Variants in FOCAD observed in about 807,000 individuals in gnomAD.
FOCAD encodes focadhesin.
In FOCAD, 198 loss-of-function variants were observed where a neutral mutation model predicts 225.6. That is an observed-to-expected ratio of 0.88 (90% confidence interval 0.78 to 0.99). The LOEUF (loss-of-function observed/expected upper bound fraction) is 0.99. FOCAD is among the 50% of genes least tolerant of loss of function. The probability of loss-of-function intolerance (pLI) is 0.00; values close to 1 mark genes in which losing one functional copy is unlikely to be tolerated. For missense variants in FOCAD, 2,713 were observed against 2,123.6 expected, an observed-to-expected ratio of 1.28 and a Z score of -5.46; for synonymous variants, 897 against 755.0, an observed-to-expected ratio of 1.19 and a Z score of -3.08.
intron 41 of FOCAD, 112 bp downstream of exon 41, chr9:20,988,541 T>G (rs1461572974): frequency 4.8e-6 from 1 of 206,980 alleles, no homozygotes; most frequent in Non-Finnish European, 1.1e-5. Context: ...CAATTACTTT[T>G]GCACCAACCT....
intron 8 of FOCAD, among the ~76,000 whole-genome samples, chr9:20,772,039 C>A (rs1818289836): frequency 6.6e-6 from 1 of 152,068 alleles, no homozygotes; most frequent in Non-Finnish European, 1.5e-5. Flanking sequence ...TTTGAGAGGA[C>A]ACAGTTCAGC....
At position 20,738,203 on chromosome 9, in the gene FOCAD, A is replaced by G. The variant is rs193168801; in HGVS notation, c.288-2033A>G. ...GTCAATAGAGAAGTTTCTCAGAAGA[A>G]TGTGAACAGTTCCAAAGGAAGAAGA... On this transcript the variant is annotated intron_variant, in intron 4 of 43. Transcript: ENST00000338382. 1.2e-4 allele frequency among the ~76,000 whole-genome samples: 19 copies of G among 152,362 alleles called. No homozygotes were observed. The East Asian group carries it at 3.7e-3, about 29-fold the overall frequency.
chr9:20,983,195 C>A (rs1375880017), intron 39 of FOCAD, among the ~76,000 whole-genome samples: 3 of 152,162 alleles, frequency 2.0e-5, no homozygotes, highest in African/African-American at 7.2e-5. Flanking sequence ...GAATCAGAAA[C>A]TCTGCAGACG....
At chr9:20,910,460 G>A (rs754877962) in intron 22 of FOCAD, among the ~76,000 whole-genome samples, 1 of 151,960 alleles carries the variant, frequency 6.6e-6, no homozygotes, top group African/African-American at 2.4e-5. Context: ...TTACTCTATG[G>A]CAATTTATAC....
In FOCAD at chr9:20,841,797, G is replaced by A. The variant is rs1430037332; in HGVS notation, c.1920+18682G>A. Among the ~76,000 whole-genome samples the A allele has an allele frequency of 2.0e-5, 3 of 150,672 alleles. No individual in the cohort carries two copies. In the East Asian group the frequency reaches 5.8e-4, roughly 29 times the overall value. ...GTTATTTCTTTTCTTCTAATTTTGG[G>A]TTTGATTTGCTCTTGCTTTTCTAGT... On this transcript the variant is annotated intron_variant, in intron 15 of 43. Transcript: ENST00000338382.
chr9:20,689,298 A>G (rs1438881198), intron 1 of FOCAD, among the ~76,000 whole-genome samples: 3 of 152,146 alleles, frequency 2.0e-5, no homozygotes, highest in Non-Finnish European at 4.4e-5. Flanking sequence ...GCATTCGATG[A>G]ATTGCTCACC....
intron 39 of FOCAD, 22 bp from the exon 40 acceptor site, chr9:20,986,266 A>ATTTTTTTTTTTTTTTCTTTTTT (rs1841145828): frequency 1.6e-6 from 1 of 606,560 alleles, no homozygotes; most frequent in Middle Eastern, 4.3e-4. Flanking sequence ...TAACTAAACA[A>ATTTTTTTTTTTTTTTCTTTTTT]TTTTTTTTTT....
chr9:20,867,004 C>T lies in FOCAD; in HGVS notation c.2182C>T (p.Pro728Ser). 1 of 1,540,656 alleles carries T rather than the reference C, an allele frequency of 6.5e-7. No homozygotes were observed. Among genetic ancestry groups the T allele is most frequent in the Non-Finnish European group, 8.8e-7 (1 of 1,138,378 alleles). Residue 728 changes from proline (P) to serine (S), a missense_variant, in exon 18 of 44, where the codon CCT becomes TCT. Pro to Ser is a moderately conservative substitution (Grantham distance 74). Transcript: ENST00000338382. ...AGGAGAACACACCATTCTTCATCTGCCTGAAAAGGTAGGCATATCTGCTTT... is the reference window on the plus strand; with the variant it reads ...AGGAGAACACACCATTCTTCATCTGTCTGAAAAGGTAGGCATATCTGCTTT... ...SAGEHTILHL[P>S]EKIRPEIPIP...
intron 33 of FOCAD, 139 bp from the exon 34 acceptor site, chr9:20,950,857 A>G (rs146076089): frequency 4.4e-6 from 3 of 682,318 alleles, no homozygotes; most frequent in Non-Finnish European, 8.0e-6. Flanking sequence ...GACACATGAT[A>G]TTACATCTTG....
intron 1 of FOCAD, among the ~76,000 whole-genome samples, chr9:20,702,373 G>C (rs936872857): frequency 6.6e-6 from 1 of 152,062 alleles, no homozygotes; most frequent in Non-Finnish European, 1.5e-5. Flanking sequence ...CAAAGTGCTG[G>C]GATTACAGGC....
intron 4 of FOCAD, among the ~76,000 whole-genome samples, chr9:20,727,441 G>T (rs1392309000): frequency 6.6e-6 from 1 of 152,154 alleles, no homozygotes; most frequent in Non-Finnish European, 1.5e-5. Flanking sequence ...GAAGAAATCA[G>T]GCCATTTTTG....
At position 20,874,900 on chromosome 9, in the gene FOCAD, A is replaced by T; in HGVS notation, c.2317+93A>T. 4 of 1,469,592 alleles carry T rather than the reference A, an allele frequency of 2.7e-6. No homozygotes were observed. In the South Asian group the frequency reaches 4.7e-5, roughly 17 times the overall value. 91.0% of individuals were successfully genotyped at this position (1,469,592 alleles called of 1,614,324 possible). A position where few individuals can be genotyped will look rare whatever the true frequency, so the allele number is the denominator to read the frequency against. On this transcript the variant is annotated intron_variant, in intron 19 of 43. Transcript: ENST00000338382. ...TTGTGATAGGTACATAGTATAGTTT[A>T]ACCTTATGTGCTTATTTTTTAACCA...
At chr9:20,698,164 C>G (rs77596859) in intron 1 of FOCAD, among the ~76,000 whole-genome samples, 1,526 of 152,110 alleles carry the variant, frequency 0.01, 32 homozygotes, top group African/African-American at 0.035. Flanking sequence ...GAATTAATTT[C>G]TTTGTAATTT....
At chr9:20,715,234 A>T in intron 1 of FOCAD, 88 bp from the exon 2 acceptor site, 1 of 506,174 alleles carries the variant, frequency 2.0e-6, no homozygotes, top group Non-Finnish European at 3.3e-6. Context: ...GGAATGGATT[A>T]CATTCACATT....
intron 5 of FOCAD, among the ~76,000 whole-genome samples, chr9:20,752,421 T>G (rs1828645109): frequency 6.6e-6 from 1 of 152,144 alleles, no homozygotes; most frequent in Admixed American, 6.5e-5. Context: ...AGGGAATCCT[T>G]TCCCCATTGC....
intron 35 of FOCAD, among the ~76,000 whole-genome samples, chr9:20,954,827 A>G (rs1489038570): frequency 6.6e-6 from 1 of 152,208 alleles, no homozygotes; most frequent in Non-Finnish European, 1.5e-5. Context: ...TCAGCCTTAC[A>G]CATTACTAAT....
At chr9:20,800,921 G>T (rs1021290288) in intron 11 of FOCAD, among the ~76,000 whole-genome samples, 1 of 152,106 alleles carries the variant, frequency 6.6e-6, no homozygotes, top group Non-Finnish European at 1.5e-5. Context: ...GAGGAGAGGC[G>T]CTCTGATTTT....
At chr9:20,765,331 C>CT (rs538891793) in intron 7 of FOCAD, among the ~76,000 whole-genome samples, 18 of 152,002 alleles carry the variant, frequency 1.2e-4, no homozygotes, top group Non-Finnish European at 2.6e-4. Flanking sequence ...AGCATGAAAA[C>CT]TTTCCTTTGT....
upstream of FOCAD, among the ~76,000 whole-genome samples, chr9:20,679,328 A>ATT (rs1822330864): frequency 6.6e-6 from 1 of 152,098 alleles, no homozygotes; most frequent in Non-Finnish European, 1.5e-5. Flanking sequence ...ATGTGCTGAC[A>ATT]CTGGAGCTCT....
Sources: gnomAD v4.1 joint callset for allele counts (sites outside exome capture counted in the v4.1 genomes callset) on GRCh38, gnomAD v4.1.1 for gene constraint, MANE v1.5 for transcripts, NCBI Gene and HGNC (gene_info 2026-07-23, HGNC 2026-07-21) for gene names.